ZNF701: variants seen among roughly 807,000 people sequenced by gnomAD.
ZNF701 encodes the protein zinc finger protein 701.
Under a neutral mutation model 7.1 loss-of-function variants are expected in ZNF701, and 6 were observed. The ratio of observed to expected loss-of-function variants is 0.84; its 90% CI spans 0.46 to 1.66. The LOEUF is 1.66. Among genes scored for constraint, ZNF701 ranks in the 40% most tolerant of loss-of-function variants. The pLI, the probability that ZNF701 is intolerant of heterozygous loss-of-function variation, is 0.01. For missense variants in ZNF701, 541 were observed against 559.2 expected (o/e 0.97, Z 0.33); for synonymous variants, 166 against 188.2 (o/e 0.88, Z 0.97).
intron 1 of ZNF701, among the ~76,000 whole-genome samples, chr19:52,573,528 C>A (rs2059913504): frequency 6.6e-6 from 1 of 152,172 alleles, no homozygotes; most frequent in African/African-American, 2.4e-5. Flanking sequence ...TGAACCACCG[C>A]ACCCAGCCCC....
chr19:52,572,344 C>T lies in ZNF701; in HGVS notation c.-71-1733C>T, dbSNP rs970161098. 1.3e-5 allele frequency: 17 copies of T among 1,287,278 alleles called. No individual in the cohort carries two copies. Among genetic ancestry groups the T allele is most frequent in the African/African-American group, 7.6e-5 (5 of 65,914 alleles). 79.7% of individuals were successfully genotyped at this position (1,287,278 alleles called of 1,614,324 possible). A position where few individuals can be genotyped will look rare whatever the true frequency, so the allele number is the denominator to read the frequency against. ...TGCTGGGATTACAGGTGTGAGCCACCGCACTCAGCCTCCCTGTTTTGAAGG... is the reference window on the plus strand; with the variant it reads ...TGCTGGGATTACAGGTGTGAGCCACTGCACTCAGCCTCCCTGTTTTGAAGG... On this transcript the variant is annotated intron_variant, in intron 1 of 3. Transcript: ENST00000391785.
At chr19:52,577,407 G>T (rs2059941971) in intron 3 of ZNF701, among the ~76,000 whole-genome samples, 1 of 152,072 alleles carries the variant, frequency 6.6e-6, no homozygotes. Context: ...GAGACTGAAG[G>T]CACAAAGTGT....
At position 52,583,326 on chromosome 19, in the gene ZNF701, T is replaced by C; in HGVS notation, c.1267T>C (p.Ser423Pro). 5 of 1,604,872 alleles carry C rather than the reference T, an allele frequency of 3.1e-6. No individual in the cohort carries two copies. In the South Asian group the frequency reaches 4.4e-5, roughly 14 times the overall value. ...ATGTGGCAAGGTTTTTAATCACAAA[T>C]CAAACCTTGCATGTCATCGTAGACT... Reference protein sequence around the residue: ...NECGKVFNHKSNLACHRRLHT... With the variant: ...NECGKVFNHKPNLACHRRLHT... Residue 423 changes from serine (S) to proline (P), a missense_variant, in exon 4 of 4, where the codon TCA (serine) becomes CCA (proline). Ser to Pro is a moderately conservative substitution (Grantham distance 74). Transcript: ENST00000391785.
Position 52,574,075 on chromosome 19 carries a change from A to G in ZNF701, c.-71-2A>G. The G allele has an allele frequency of 1.2e-6, 2 of 1,611,106 alleles. No individual in the cohort carries two copies. Among genetic ancestry groups the G allele is most frequent in the African/African-American group, 2.7e-5 (2 of 74,960 alleles). ...AGTAAACAACATATTTCTAACATTCAGGATTGACTTCTAAAGACTTGGTAC... is the reference window on the plus strand; with the variant it reads ...AGTAAACAACATATTTCTAACATTCGGGATTGACTTCTAAAGACTTGGTAC... On this transcript the variant is annotated splice_acceptor_variant, in intron 1 of 3. Transcript: ENST00000391785. LOFTEE classifies it low-confidence loss of function (5UTR_SPLICE).
chr19:52,592,022 A>G (rs765853099), downstream of ZNF701: 14 of 635,052 alleles, frequency 2.2e-5, no homozygotes, highest in Non-Finnish European at 3.9e-5. Context: ...ATCGATACTT[A>G]TTTTCTCTTT....
At position 52,585,729 on chromosome 19, in the gene ZNF701, T is replaced by C. The variant is rs968086085; in HGVS notation, c.*2272T>C. 2.6e-5 allele frequency: 4 copies of C among 151,152 alleles called. No homozygotes were observed. In the South Asian group the frequency reaches 6.4e-4, roughly 24 times the overall value. The allele number at this position is 151,152 out of a possible 1,614,324, so 9.4% of individuals were successfully genotyped here. A position where few individuals can be genotyped will look rare whatever the true frequency, so the allele number is the denominator to read the frequency against. On this transcript the variant is annotated 3_prime_UTR_variant, in exon 4 of 4. Coordinates refer to ENST00000391785, the MANE Select transcript of ZNF701 (RefSeq NM_018260.3). ...TGAGGTCCCTATGGGCTACCCCTTA[T>C]CTGGATGAAGAATTTGGCCCTTGGC...
intron 3 of ZNF701, among the ~76,000 whole-genome samples, chr19:52,576,923 A>C (rs1303568944): frequency 1.3e-5 from 2 of 152,162 alleles, no homozygotes; most frequent in Non-Finnish European, 2.9e-5. Context: ...GTGGGAATGT[A>C]TTATAGGTGT....
chr19:52,576,057 C>T (rs1600073379), intron 3 of ZNF701, 36 bp downstream of exon 3: 2 of 1,599,266 alleles, frequency 1.3e-6, no homozygotes, highest in Admixed American at 1.8e-5. Context: ...GGGGATGTGC[C>T]CTTGTGGATC....
In ZNF701 at chr19:52,583,939, T is replaced by C. The variant is rs958803168; in HGVS notation, c.*482T>C. ...AACTTGCAGTTCATTGGCGATCTTA[T>C]ACAGGAGAGAAATCTTACAAATGTG... On this transcript the variant is annotated 3_prime_UTR_variant, in exon 4 of 4. Transcript: ENST00000391785. 9.9e-6 allele frequency: 4 copies of C among 404,112 alleles called. No individual in the cohort carries two copies. The highest frequency in any genetic ancestry group is 6.2e-5 in the African/African-American group (3 of 48,352). The allele number at this position is 404,112 out of a possible 1,614,324, so 25.0% of individuals were successfully genotyped here.
At chr19:52,572,726 G>A (rs2059909027) in intron 1 of ZNF701, 1 of 354,154 alleles carries the variant, frequency 2.8e-6, no homozygotes, top group South Asian at 2.2e-5. Flanking sequence ...TGTTCCCCAG[G>A]ACAAAAGCCC....
chr19:52,588,242 C>T (rs1347974874), downstream of ZNF701, among the ~76,000 whole-genome samples: 1 of 136,216 alleles, frequency 7.3e-6, no homozygotes. Context: ...AATCCCAGCT[C>T]TTTGGGAGGG....
At chr19:52,597,643 A>T in the ZNF701 span, 1 of 344,344 alleles carries the variant, frequency 2.9e-6, no homozygotes, top group South Asian at 2.3e-5. Context: ...TGGCTATGAG[A>T]GTGTGTAGGT....
intron 3 of ZNF701, among the ~76,000 whole-genome samples, chr19:52,580,379 C>G (rs1428393684): frequency 6.6e-6 from 1 of 151,978 alleles, no homozygotes; most frequent in East Asian, 1.9e-4. Context: ...TACCCACCAC[C>G]GTGCCCAGCT....
downstream of ZNF701, among the ~76,000 whole-genome samples, chr19:52,587,544 A>G (rs1381037526): frequency 2.0e-5 from 3 of 152,164 alleles, no homozygotes; most frequent in African/African-American, 7.2e-5. Flanking sequence ...GATCTCCCAC[A>G]GCCCCCCACT....
At chr19:52,597,179 T>A in the ZNF701 span, 2 of 587,964 alleles carry the variant, frequency 3.4e-6, no homozygotes, top group East Asian at 8.7e-5. Context: ...CTTACAAATA[T>A]CATGACTGTG....
At position 52,586,853 on chromosome 19, in the gene ZNF701, T is replaced by A. The variant is rs2060015391; in HGVS notation, c.*3396T>A. The A allele has an allele frequency of 6.6e-6, 1 of 152,118 alleles. No individual in the cohort carries two copies. Among genetic ancestry groups the A allele is most frequent in the South Asian group, 2.1e-4 (1 of 4,828 alleles). The allele number at this position is 152,118 out of a possible 1,614,324, so 9.4% of individuals were successfully genotyped here. The stretch of plus-strand genomic sequence containing the variant: ...TAGTTTGAACTTTAAAGGATTCCAG[T>A]CCTCCGAAAAACAGGATTAGACTCA... On this transcript the variant is annotated 3_prime_UTR_variant, in exon 4 of 4. Transcript: ENST00000391785.
chr19:52,596,974 A>C, the ZNF701 span: 1 of 814,062 alleles, frequency 1.2e-6, no homozygotes, highest in African/African-American at 1.7e-5. Context: ...CTTTTTTATC[A>C]TCAAGCAATC....
Position 52,583,868 on chromosome 19 carries a change from T to C in ZNF701, c.*411T>C, listed in dbSNP as rs2146997310. ...ATTGGAGAATCCATAATGAAGGAGG[T>C]CTTACAAGTGTAATAAATGTGGCAA... On this transcript the variant is annotated 3_prime_UTR_variant, in exon 4 of 4. Transcript: ENST00000391785. 2.2e-6 allele frequency: 1 copy of C among 460,502 alleles called. No individual in the cohort carries two copies. 28.5% of individuals were successfully genotyped at this position (460,502 alleles called of 1,614,324 possible). A position where few individuals can be genotyped will look rare whatever the true frequency, so the allele number is the denominator to read the frequency against.
chr19:52,580,134 G>A (rs1315864210), intron 3 of ZNF701, among the ~76,000 whole-genome samples: 1 of 141,170 alleles, frequency 7.1e-6, no homozygotes, highest in African/African-American at 3.1e-5. Flanking sequence ...TAGTAGAGAT[G>A]GGGTTTCTCT....
Sources: gnomAD v4.1 joint callset for allele counts (sites outside exome capture counted in the v4.1 genomes callset) on GRCh38, gnomAD v4.1.1 for gene constraint, MANE v1.5 for transcripts, NCBI Gene and HGNC (gene_info 2026-07-23, HGNC 2026-07-21) for gene names.